Variants in PPARD observed in about 807,000 individuals in gnomAD.
PPARD encodes the protein peroxisome proliferator activated receptor delta.
Under a neutral mutation model 39.5 loss-of-function variants are expected in PPARD, and 6 were observed. That is an observed-to-expected ratio of 0.15 (90% confidence interval 0.08 to 0.30). The LOEUF is 0.30. Among genes scored for constraint, PPARD ranks in the 10% least tolerant of loss-of-function variants. PPARD has a pLI of 1.00. For missense variants in PPARD, 397 were observed against 596.8 expected, an observed-to-expected ratio of 0.67 and a Z score of 3.49; for synonymous variants, 210 against 231.3, an observed-to-expected ratio of 0.91 and a Z score of 0.83.
rs528136685 is a variant in PPARD, at chr6:35,355,906, C to T, written c.-102+8756C>T. Among the ~76,000 whole-genome samples, 33 of 151,840 alleles carry T rather than the reference C, an allele frequency of 2.2e-4. 1 individual carries two copies. Among genetic ancestry groups the T allele is most frequent in the Admixed American group, 2.0e-3 (31 of 15,202 alleles). On this transcript the variant is annotated intron_variant, in intron 2 of 7. Transcript: ENST00000360694. ...GATTACAGTCATGAGCCACGATGCCCGACCTCTTTCTTATATAATTTTTTT... is the reference window on the plus strand; with the variant it reads ...GATTACAGTCATGAGCCACGATGCCTGACCTCTTTCTTATATAATTTTTTT...
At position 35,426,116 on chromosome 6, in the gene PPARD, G is replaced by T; in HGVS notation, c.*37G>T. ...AGGCCTCCCTGCAGACTCCAATGGG[G>T]CCAGCACTGGAGGGGCCCACCCACA... On this transcript the variant is annotated 3_prime_UTR_variant, in exon 8 of 8. Transcript: ENST00000360694. 1 of 1,596,422 alleles carries T rather than the reference G, an allele frequency of 6.3e-7. No homozygotes were observed. Among genetic ancestry groups the T allele is most frequent in the East Asian group, 2.2e-5 (1 of 44,792 alleles).
At chr6:35,415,840 A>G (rs907780972) in intron 3 of PPARD, among the ~76,000 whole-genome samples, 2 of 150,888 alleles carry the variant, frequency 1.3e-5, no homozygotes, top group Admixed American at 1.3e-4. Context: ...ATTGGTTCAC[A>G]CAGTTGTTGG....
intron 1 of PPARD, among the ~76,000 whole-genome samples, chr6:35,346,122 G>A: frequency 6.6e-6 from 1 of 151,904 alleles, no homozygotes; most frequent in Non-Finnish European, 1.5e-5. Context: ...CTCGTGATCT[G>A]CCCGCCTCAG....
chr6:35,373,451 G>A (rs920726664), intron 2 of PPARD, among the ~76,000 whole-genome samples: 1 of 152,128 alleles, frequency 6.6e-6, no homozygotes, highest in Non-Finnish European at 1.5e-5. Flanking sequence ...ATGGATCAAT[G>A]TACCCCTGTA....
chr6:35,356,100 T>G (rs768545422), intron 2 of PPARD, among the ~76,000 whole-genome samples: 20 of 152,112 alleles, frequency 1.3e-4, no homozygotes, highest in Non-Finnish European at 2.6e-4. Context: ...AGTTCTCTTG[T>G]AGGAGGATGC....
intron 2 of PPARD, among the ~76,000 whole-genome samples, chr6:35,384,929 T>G (rs1307673474): frequency 8.5e-5 from 11 of 129,288 alleles, no homozygotes; most frequent in Non-Finnish European, 8.1e-5. Flanking sequence ...GGAGCCCCTC[T>G]GCCAGGCCAG....
intron 1 of PPARD, among the ~76,000 whole-genome samples, chr6:35,344,818 G>C (rs963466540): frequency 6.6e-6 from 1 of 152,212 alleles, no homozygotes; most frequent in African/African-American, 2.4e-5. Context: ...GAAAGCAATA[G>C]GATTGTGGAT....
At position 35,348,359 on chromosome 6, in the gene PPARD, G is replaced by T. The variant is rs910233438; in HGVS notation, c.-102+1209G>T. On this transcript the variant is annotated intron_variant, in intron 2 of 7. Coordinates refer to ENST00000360694, the MANE Select transcript of PPARD (RefSeq NM_006238.5). ...ACACAGAATTGTTTCTTCCATCTCT[G>T]CAGGGGTAGGAGGTTCTCACCAAGA... 183 of 985,386 alleles carry T rather than the reference G, an allele frequency of 1.9e-4. No homozygotes were observed. In the African/African-American group the frequency reaches 3.0e-3, roughly 16 times the overall value. The allele number at this position is 985,386 out of a possible 1,614,324, so 61.0% of individuals were successfully genotyped here. A position where few individuals can be genotyped will look rare whatever the true frequency, so the allele number is the denominator to read the frequency against.
chr6:35,358,060 G>A (rs1267417043), intron 2 of PPARD, among the ~76,000 whole-genome samples: 2 of 152,048 alleles, frequency 1.3e-5, no homozygotes, highest in Non-Finnish European at 2.9e-5. Context: ...TGACATAATG[G>A]ACTTTGCACA....
At chr6:35,349,785 A>C (rs1434867594) in intron 2 of PPARD, among the ~76,000 whole-genome samples, 2 of 151,642 alleles carry the variant, frequency 1.3e-5, no homozygotes, top group African/African-American at 4.9e-5. Context: ...CTTGTCACCC[A>C]GGCTGGAGAG....
At chr6:35,421,528 C>T (rs759444527) in intron 4 of PPARD, among the ~76,000 whole-genome samples, 3 of 150,008 alleles carry the variant, frequency 2.0e-5, no homozygotes, top group East Asian at 2.0e-4. Flanking sequence ...TTAGTAGAGA[C>T]GGGGTTTCAC....
intron 2 of PPARD, among the ~76,000 whole-genome samples, chr6:35,351,691 C>CT (rs758510884): frequency 5.4e-4 from 82 of 152,114 alleles, no homozygotes; most frequent in Non-Finnish European, 9.9e-4. Context: ...GTAGCTAGGA[C>CT]TACAGGTATG....
At chr6:35,384,251 A>C (rs1332152318) in intron 2 of PPARD, among the ~76,000 whole-genome samples, 43 of 97,218 alleles carry the variant, frequency 4.4e-4, no homozygotes, top group Non-Finnish European at 4.4e-4. Flanking sequence ...CCGCCCCGTC[A>C]GGGAGGGAGG....
rs576629501 is a variant in PPARD, at chr6:35,370,636, T to G, written c.-102+23486T>G. On this transcript the variant is annotated intron_variant, in intron 2 of 7. Coordinates refer to ENST00000360694, the MANE Select transcript of PPARD (RefSeq NM_006238.5). ...CACACACTTCCTGTCTGGAAAAGCC[T>G]GCTACCCGCCCATGGTGAAGAGTCA... 1.4e-3 allele frequency among the ~76,000 whole-genome samples: 213 copies of G among 152,306 alleles called. 1 individual carries two copies. The highest frequency in any genetic ancestry group is 4.8e-3 in the African/African-American group (199 of 41,566).
intron 3 of PPARD, among the ~76,000 whole-genome samples, chr6:35,414,592 A>ATCACT (rs1765632033): frequency 6.6e-6 from 1 of 152,146 alleles, no homozygotes; most frequent in African/African-American, 2.4e-5. Flanking sequence ...CGCCAGTGCC[A>ATCACT]TCACTTCTCC....
intron 2 of PPARD, among the ~76,000 whole-genome samples, chr6:35,362,246 G>A (rs1761959627): frequency 6.6e-6 from 1 of 151,870 alleles, no homozygotes; most frequent in African/African-American, 2.4e-5. Flanking sequence ...CTTGTCCTCC[G>A]ACCTCCTCTC....
intron 2 of PPARD, among the ~76,000 whole-genome samples, chr6:35,356,457 G>A (rs966793349): frequency 5.9e-5 from 9 of 152,314 alleles, no homozygotes; most frequent in East Asian, 1.9e-4. Flanking sequence ...AAACAAGCAA[G>A]CAAAGCATGC....
chr6:35,417,451 AT>A (rs1176557824), intron 3 of PPARD, among the ~76,000 whole-genome samples: 1,852 of 139,680 alleles, frequency 0.013, 35 homozygotes, highest in African/African-American at 0.042. Flanking sequence ...ACACCCAACT[AT>A]TTTTTTTTTT....
In PPARD at chr6:35,410,974, C is replaced by A; in HGVS notation, c.-101-13C>A. 7.9e-7 allele frequency: 1 copy of A among 1,270,510 alleles called. No individual in the cohort carries two copies. The highest frequency in any genetic ancestry group is 1.0e-6 in the Non-Finnish European group (1 of 998,616). 78.7% of individuals were successfully genotyped at this position (1,270,510 alleles called of 1,614,324 possible). A position where few individuals can be genotyped will look rare whatever the true frequency, so the allele number is the denominator to read the frequency against. ...GCCTCCCCTGACCTCTTCCTGTCTT[C>A]TCCTCTGCCCAGGCTGATGGGAACC... On this transcript the variant is annotated splice_polypyrimidine_tract_variant and intron_variant, in intron 2 of 7. Coordinates refer to ENST00000360694, the MANE Select transcript of PPARD (RefSeq NM_006238.5).
Sources: allele counts gnomAD v4.1 joint callset (sites outside exome capture counted in the v4.1 genomes callset), GRCh38; gene constraint gnomAD v4.1.1; transcripts MANE v1.5; gene names NCBI Gene and HGNC (gene_info 2026-07-23, HGNC 2026-07-21).